TBC1D5: variants seen among roughly 807,000 people sequenced by gnomAD.
TBC1D5 encodes TBC1 domain family member 5.
In TBC1D5, 75 loss-of-function variants were observed where a neutral mutation model predicts 100.3. The observed-to-expected ratio is 0.75, with a 90% confidence interval of 0.62 to 0.91. The LOEUF (loss-of-function observed/expected upper bound fraction) is 0.91, where lower values mean the gene tolerates loss of function less well. TBC1D5 is among the 40% of genes least tolerant of loss of function. TBC1D5 has a pLI of 0.00. For missense variants in TBC1D5, 910 were observed against 942.4 expected, an observed-to-expected ratio of 0.97 and a Z score of 0.45; for synonymous variants, 323 against 325.6, an observed-to-expected ratio of 0.99 and a Z score of 0.09.
chr3:17,529,900 G>T (rs183528621), intron 2 of TBC1D5, among the ~76,000 whole-genome samples: 11 of 152,178 alleles, frequency 7.2e-5, no homozygotes, highest in Non-Finnish European at 1.5e-4. Context: ...CTCAGATAAC[G>T]GGTTAACTAT....
chr3:17,313,148 G>T (rs1291135473), intron 13 of TBC1D5, among the ~76,000 whole-genome samples: 1 of 152,090 alleles, frequency 6.6e-6, no homozygotes, highest in South Asian at 2.1e-4. Flanking sequence ...TCCAACTAGG[G>T]AGCAGTTGGA....
At chr3:17,551,672 C>A (rs1197382647) in intron 2 of TBC1D5, among the ~76,000 whole-genome samples, 3 of 152,184 alleles carry the variant, frequency 2.0e-5, no homozygotes, top group African/African-American at 7.2e-5. Flanking sequence ...CTTCACTGAA[C>A]TTTCTGTCAT....
chr3:17,583,568 A>T (rs1306960478), intron 2 of TBC1D5, among the ~76,000 whole-genome samples: 1 of 152,188 alleles, frequency 6.6e-6, no homozygotes, highest in African/African-American at 2.4e-5. Flanking sequence ...TCTACTAAAA[A>T]TACAAAGAAT....
chr3:17,489,295 C>G (rs2150499371), intron 3 of TBC1D5, among the ~76,000 whole-genome samples: 1 of 152,228 alleles, frequency 6.6e-6, no homozygotes. Context: ...CAGTAAATCA[C>G]TCTATCCTTG....
rs566427529 is a variant in TBC1D5 at position 17,534,977 on chromosome 3, T to A, written c.-35-26372A>T. Among the ~76,000 whole-genome samples the A allele has an allele frequency of 5.3e-5, 8 of 152,332 alleles. No individual in the cohort carries two copies. In the South Asian group the frequency reaches 1.7e-3, roughly 32 times the overall value. On this transcript the variant is annotated intron_variant, in intron 2 of 21. Coordinates refer to ENST00000253692, the Ensembl canonical transcript of TBC1D5. The stretch of plus-strand genomic sequence containing the variant: ...TTTGAAGAAGACTATTTCTATTTTT[T>A]ATCCAAATGGAAGCCCTCAAAGAGA...
intron 17 of TBC1D5, among the ~76,000 whole-genome samples, chr3:17,217,477 T>C (rs945518947): frequency 2.0e-5 from 3 of 152,144 alleles, no homozygotes; most frequent in African/African-American, 7.2e-5. Context: ...CTACACCATT[T>C]TACATTTCCA....
chr3:17,385,432 T>C (rs926991504), intron 8 of TBC1D5, among the ~76,000 whole-genome samples: 1 of 152,046 alleles, frequency 6.6e-6, no homozygotes. Context: ...TTTTACATCA[T>C]ATTATAATGG....
intron 16 of TBC1D5, among the ~76,000 whole-genome samples, chr3:17,246,377 G>T (rs982236584): frequency 6.6e-6 from 1 of 152,142 alleles, no homozygotes; most frequent in African/African-American, 2.4e-5. Context: ...CATATTAAAT[G>T]TAACTCCAAT....
At position 17,284,111 on chromosome 3, in the gene TBC1D5, C is replaced by CACACACACAT. The variant is rs1553651915; in HGVS notation, c.1245+7783_1245+7784insATGTGTGTGT. ...TTTTACACACACACACACACACACA[C>CACACACACAT]ACACACACACACGTATTTTTAATTT... On this transcript the variant is annotated intron_variant, in intron 15 of 21. Coordinates refer to ENST00000253692, the Ensembl canonical transcript of TBC1D5. 4.5e-3 allele frequency among the ~76,000 whole-genome samples: 674 copies of CACACACACAT among 150,972 alleles called. 7 individuals carry two copies. Among genetic ancestry groups the CACACACACAT allele is most frequent in the African/African-American group, 0.015 (613 of 40,766 alleles).
Position 17,591,272 on chromosome 3 carries a change from A to C in TBC1D5, c.-36+32577T>G, listed in dbSNP as rs1001150372. On this transcript the variant is annotated intron_variant, in intron 2 of 21. Transcript: ENST00000253692. ...AAAAAAAAAAAAAAAAAAAACAAAA[A>C]CCCCAGAGAATCATGGCCCCTCAAT... Among the ~76,000 whole-genome samples, 154 of 143,814 alleles carry C rather than the reference A, an allele frequency of 1.1e-3. 2 individuals carry two copies. The highest frequency in any genetic ancestry group is 3.5e-3 in the African/African-American group (135 of 38,046). The allele number at this position is 143,814 out of a possible 152,430, so 94.3% of individuals were successfully genotyped here. A position where few individuals can be genotyped will look rare whatever the true frequency, so the allele number is the denominator to read the frequency against.
intron 14 of TBC1D5, among the ~76,000 whole-genome samples, chr3:17,303,530 C>A (rs567280693): frequency 1.2e-4 from 18 of 152,270 alleles, no homozygotes; most frequent in African/African-American, 3.6e-4. Flanking sequence ...TAAAGTAAAA[C>A]CCCAGTTTCC....
At chr3:17,354,648 T>C (rs1420041617) in intron 13 of TBC1D5, among the ~76,000 whole-genome samples, 5 of 151,892 alleles carry the variant, frequency 3.3e-5, no homozygotes, top group South Asian at 2.1e-4. Flanking sequence ...ATGTGTTTTA[T>C]TACAGATAGG....
chr3:17,264,576 A>G (rs2078661977), intron 15 of TBC1D5, among the ~76,000 whole-genome samples: 1 of 152,114 alleles, frequency 6.6e-6, no homozygotes, highest in Admixed American at 6.5e-5. Flanking sequence ...GCACTAGGGT[A>G]AATATATTGG....
At chr3:17,242,178 T>C (rs2076362046) in intron 16 of TBC1D5, among the ~76,000 whole-genome samples, 1 of 152,160 alleles carries the variant, frequency 6.6e-6, no homozygotes. Context: ...TAGTTTCCAG[T>C]CATGGCCTGT....
chr3:17,504,487 T>A (rs1043421939), intron 3 of TBC1D5, among the ~76,000 whole-genome samples: 2 of 152,140 alleles, frequency 1.3e-5, no homozygotes, highest in African/African-American at 4.8e-5. Context: ...TATATATTGT[T>A]GAATGCTCTG....
In TBC1D5 at chr3:17,372,263, TTGAA is replaced by T; in HGVS notation, c.823-20_823-17del. 1 of 1,592,680 alleles carries T rather than the reference TTGAA, an allele frequency of 6.3e-7. No individual in the cohort carries two copies. Among genetic ancestry groups the T allele is most frequent in the Non-Finnish European group, 8.5e-7 (1 of 1,169,686 alleles). ...TTTCTTTCCCCTAAAAACAGAAAAA[TTGAA>T]CATGTATTATTTAAATATGAAATTA... On this transcript the variant is annotated splice_polypyrimidine_tract_variant and intron_variant, in intron 12 of 21. Transcript: ENST00000253692.
At chr3:17,708,317 T>C (rs1046213535) in intron 1 of TBC1D5, among the ~76,000 whole-genome samples, 4 of 152,376 alleles carry the variant, frequency 2.6e-5, no homozygotes, top group Admixed American at 2.0e-4. Context: ...TATGCTTTTA[T>C]CAAGTAGCGA....
chr3:17,315,917 G>A (rs191680133), intron 13 of TBC1D5, among the ~76,000 whole-genome samples: 4 of 152,270 alleles, frequency 2.6e-5, no homozygotes, highest in East Asian at 1.9e-4. Flanking sequence ...CTAACTAGAC[G>A]TGGGGTACCA....
chr3:17,166,702 T>G, intron 21 of TBC1D5, 65 bp downstream of exon 22: 1 of 1,549,560 alleles, frequency 6.5e-7, no homozygotes, highest in Non-Finnish European at 8.7e-7. Context: ...ATTCTTAACT[T>G]TGAGGAACTT....
Sources: allele counts gnomAD v4.1 joint callset (sites outside exome capture counted in the v4.1 genomes callset), GRCh38; gene constraint gnomAD v4.1.1; transcripts MANE v1.5; gene names NCBI Gene and HGNC (gene_info 2026-07-23, HGNC 2026-07-21).